The following OSGIN1 variants were observed in gnomAD, a reference collection of about 807,000 sequenced individuals.
The protein encoded by OSGIN1 is oxidative stress induced growth inhibitor 1, also known as oxidative stress-induced growth inhibitor 1.
A neutral mutation model predicts 20.1 loss-of-function variants in OSGIN1; 19 were observed. The observed-to-expected ratio is 0.95, with a 90% confidence interval of 0.66 to 1.39. OSGIN1 has a LOEUF of 1.39. OSGIN1 is among the 40% of genes most tolerant of loss of function. The pLI, the probability that OSGIN1 is intolerant of heterozygous loss-of-function variation, is 0.00. For missense variants in OSGIN1, 820 were observed against 653.0 expected, an observed-to-expected ratio of 1.26 and a Z score of -2.79; for synonymous variants, 368 against 297.8, an observed-to-expected ratio of 1.24 and a Z score of -2.43.
In OSGIN1 at chr16:83,960,791, G is replaced by A. The variant is rs757743578; in HGVS notation, c.396+31G>A. 6.9e-6 allele frequency: 11 copies of A among 1,604,890 alleles called. No homozygotes were observed. The African/African-American group carries it at 1.2e-4, about 18-fold the overall frequency. ...TGGGGCAGCGAGGGCATGGCTTGTG[G>A]GGGGCTCTCTCCCTCGTTCTCCCCA... On this transcript the variant is annotated intron_variant, in intron 4 of 5. Transcript: ENST00000393306.
Position 83,965,443 on chromosome 16 carries a change from C to T in OSGIN1, c.870C>T (p.Ile290=). The T allele has an allele frequency of 1.3e-6, 2 of 1,594,822 alleles. No individual in the cohort carries two copies. Among genetic ancestry groups the T allele is most frequent in the Non-Finnish European group, 1.7e-6 (2 of 1,174,484 alleles). ...CCCCGGCCTCAGACCCTGTCCTCAT[C>T]ATTGGCGCGGGGCTGTCAGCGGCCG... The part of the protein sequence containing the change: ...AVTPASDPVL[I]IGAGLSAADA... Residue 290 remains isoleucine, a synonymous_variant, in exon 6 of 6, where the codon ATC becomes ATT. Transcript: ENST00000393306.
Position 83,966,131 on chromosome 16 carries a change from G to T in OSGIN1, c.*124G>T. The T allele has an allele frequency of 1.3e-6, 1 of 775,154 alleles. No homozygotes were observed. The highest frequency in any genetic ancestry group is 1.9e-5 in the South Asian group (1 of 53,642). The allele number at this position is 775,154 out of a possible 1,614,324, so 48.0% of individuals were successfully genotyped here. On this transcript the variant is annotated 3_prime_UTR_variant, in exon 6 of 6. Coordinates refer to ENST00000393306, the MANE Select transcript of OSGIN1 (RefSeq NM_182981.3). ...TGTCAGCCCACGTTGCTGGCCTTTG[G>T]GGTCAAGAGGAGTAGGGATCCCAGG... is the stretch of plus-strand genomic sequence containing the variant.
intron 4 of OSGIN1, 27 bp from the exon 5 acceptor site, chr16:83,960,954 T>TGGA: frequency 6.2e-7 from 1 of 1,608,358 alleles, no homozygotes; most frequent in Non-Finnish European, 8.5e-7. Context: ...AGCAGAGGCC[T>TGGA]GGACCAAAGG....
At position 83,965,371 on chromosome 16, in the gene OSGIN1, C is replaced by G. The variant is rs759198164; in HGVS notation, c.798C>G (p.His266Gln). 2 of 1,573,520 alleles carry G rather than the reference C, an allele frequency of 1.3e-6. No homozygotes were observed. The highest frequency in any genetic ancestry group is 1.7e-6 in the Non-Finnish European group (2 of 1,162,520). Residue 266 changes from histidine (H) to glutamine (Q), a missense_variant, in exon 6 of 6, where the codon CAC (histidine) becomes CAG (glutamine). Coordinates refer to ENST00000393306, the MANE Select transcript of OSGIN1 (RefSeq NM_182981.3). ...GIPGEALPFI[H>Q]HELSALEAAT... ...CCGGGGAGGCCCTGCCCTTCATCCA[C>G]CATGAGCTGTCTGCCCTGGAGGCCG...
intron 5 of OSGIN1, chr16:83,961,367 G>T: frequency 2.5e-6 from 1 of 403,424 alleles, no homozygotes; most frequent in South Asian, 2.5e-5. Context: ...GGGGCTTCCA[G>T]GTCGCAGGTA....
At chr16:83,961,324 G>C (rs2084208894) in intron 5 of OSGIN1, 1 of 461,438 alleles carries the variant, frequency 2.2e-6, no homozygotes, top group Non-Finnish European at 3.9e-6. Flanking sequence ...TGGAAAGCTG[G>C]GCCAGCTTGA....
chr16:83,965,164 A>C lies in OSGIN1; in HGVS notation c.591A>C (p.Val197=). ...GLGHNFVSGA[V]VTAVEWGTPD... ...GGCATAACTTTGTGTCCGGTGCTGTAGTCACAGCCGTGGAGTGGGGGACCC... is the reference window on the plus strand; with the variant it reads ...GGCATAACTTTGTGTCCGGTGCTGTCGTCACAGCCGTGGAGTGGGGGACCC... Residue 197 remains valine, a synonymous_variant, in exon 6 of 6, where the codon GTA becomes GTC. Coordinates refer to ENST00000393306, the MANE Select transcript of OSGIN1 (RefSeq NM_182981.3). 1.2e-6 allele frequency: 2 copies of C among 1,613,412 alleles called. No individual in the cohort carries two copies. Among genetic ancestry groups the C allele is most frequent in the Non-Finnish European group, 1.7e-6 (2 of 1,180,004 alleles).
intron 5 of OSGIN1, among the ~76,000 whole-genome samples, chr16:83,962,097 C>T (rs2084222054): frequency 6.6e-6 from 1 of 151,942 alleles, no homozygotes; most frequent in Non-Finnish European, 1.5e-5. Context: ...TCACCCCAAA[C>T]CCACACTTCT....
At chr16:83,959,777 C>G (rs1200545386) in intron 3 of OSGIN1, among the ~76,000 whole-genome samples, 2 of 152,178 alleles carry the variant, frequency 1.3e-5, no homozygotes, top group Non-Finnish European at 2.9e-5. Flanking sequence ...GGTGGTGAGA[C>G]TGAAATATGT....
At chr16:83,960,807 G>A (rs773259693) in intron 4 of OSGIN1, 47 bp downstream of exon 4, 33 of 1,584,424 alleles carry the variant, frequency 2.1e-5, no homozygotes, top group African/African-American at 5.4e-5. Flanking sequence ...TCTCTCCCTC[G>A]TTCTCCCCAC....
At chr16:83,956,245 A>T (rs907036) in intron 1 of OSGIN1, among the ~76,000 whole-genome samples, 117,724 of 152,154 alleles carry the variant, frequency 0.77, 46,078 homozygotes, top group African/African-American at 0.89. Flanking sequence ...AGGTGGACGA[A>T]GGTGTTTCTG....
At position 83,965,975 on chromosome 16, in the gene OSGIN1, C is replaced by G; in HGVS notation, c.1402C>G (p.Leu468Val). 6.3e-7 allele frequency: 1 copy of G among 1,599,618 alleles called. No homozygotes were observed. Among genetic ancestry groups the G allele is most frequent in the Non-Finnish European group, 8.5e-7 (1 of 1,174,078 alleles). ...GGGCGCCTTGGCTGTGGCCAGCTCC[C>G]TGCTAAGGAAGGAGACCAGGAAGCC... ...QGGALAVASS[L>V]LRKETRKPP Residue 468 changes from leucine to valine, a missense_variant, in exon 6 of 6, where the codon CTG (leucine) becomes GTG (valine). Leu to Val is a conservative substitution (Grantham distance 32, BLOSUM62 1). Transcript: ENST00000393306.
chr16:83,958,170 C>A (rs529373130), intron 2 of OSGIN1, among the ~76,000 whole-genome samples: 6 of 152,344 alleles, frequency 3.9e-5, no homozygotes, highest in South Asian at 2.1e-4. Context: ...AACCACCATG[C>A]CTGGCCCAGG....
At chr16:83,956,628 C>A (rs1311387571) in intron 1 of OSGIN1, among the ~76,000 whole-genome samples, 1 of 152,192 alleles carries the variant, frequency 6.6e-6, no homozygotes, top group Non-Finnish European at 1.5e-5. Context: ...CTCTGAGCCC[C>A]GTTTACACAT....
chr16:83,960,027 T>A (rs888548038), intron 3 of OSGIN1, among the ~76,000 whole-genome samples: 1 of 152,142 alleles, frequency 6.6e-6, no homozygotes, highest in African/African-American at 2.4e-5. Flanking sequence ...GTGTACATCC[T>A]CCTGTTCCCT....
chr16:83,959,544 A>G, intron 3 of OSGIN1, 148 bp downstream of exon 3: 1 of 783,866 alleles, frequency 1.3e-6, no homozygotes, highest in Non-Finnish European at 2.0e-6. Context: ...AGCCACGGAG[A>G]TCGTGAAAGA....
chr16:83,963,062 G>T (rs990161772), intron 5 of OSGIN1, among the ~76,000 whole-genome samples: 1 of 152,176 alleles, frequency 6.6e-6, no homozygotes, highest in Non-Finnish European at 1.5e-5. Context: ...CTCTCGGGAA[G>T]CCCTGCTTCC....
At position 83,965,374 on chromosome 16, in the gene OSGIN1, T is replaced by A; in HGVS notation, c.801T>A (p.His267Gln). 1 of 1,569,888 alleles carries A rather than the reference T, an allele frequency of 6.4e-7. No homozygotes were observed. The highest frequency in any genetic ancestry group is 8.6e-7 in the Non-Finnish European group (1 of 1,159,392). Residue 267 changes from histidine (H) to glutamine (Q), a missense_variant, in exon 6 of 6, where the codon CAT becomes CAA. Physicochemically the swap from His to Gln is conservative, Grantham distance 24. Transcript: ENST00000393306. ...IPGEALPFIH[H>Q]ELSALEAATR... Reference sequence around the variant, plus strand: ...GGGAGGCCCTGCCCTTCATCCACCATGAGCTGTCTGCCCTGGAGGCCGCCA... The same window carrying A: ...GGGAGGCCCTGCCCTTCATCCACCAAGAGCTGTCTGCCCTGGAGGCCGCCA...
chr16:83,957,720 C>A lies in OSGIN1; in HGVS notation c.49C>A (p.Leu17Ile). The A allele has an allele frequency of 1.3e-6, 2 of 1,599,220 alleles. No homozygotes were observed. Among genetic ancestry groups the A allele is most frequent in the East Asian group, 2.3e-5 (1 of 43,972 alleles). ...CCTCGGCGCCAGCAGCTCAGAGCCCCTCCCGGTCATCATTGTGGGTGAGTG... is the reference window on the plus strand; with the variant it reads ...CCTCGGCGCCAGCAGCTCAGAGCCCATCCCGGTCATCATTGTGGGTGAGTG... The part of the protein sequence containing the change: ...DHLGASSSEP[L>I]PVIIVGNGPS... Residue 17 changes from leucine (L) to isoleucine (I), a missense_variant, in exon 2 of 6, where the codon CTC (leucine) becomes ATC (isoleucine). By Grantham distance (5) the Leu-to-Ile change is conservative. Transcript: ENST00000393306.
Sources: gnomAD v4.1 joint callset for allele counts (sites outside exome capture counted in the v4.1 genomes callset) on GRCh38, gnomAD v4.1.1 for gene constraint, MANE v1.5 for transcripts, NCBI Gene and HGNC (gene_info 2026-07-23, HGNC 2026-07-21) for gene names.